SERPINA12: variants seen among roughly 807,000 people sequenced by gnomAD.
The protein encoded by SERPINA12 is serpin family A member 12, also known as serpin A12.
Under a neutral mutation model 25.9 loss-of-function variants are expected in SERPINA12, and 21 were observed. The ratio of observed to expected loss-of-function variants is 0.81; its 90% CI spans 0.58 to 1.17. SERPINA12 has a LOEUF of 1.17. Among genes scored for constraint, SERPINA12 ranks in the 50% most tolerant of loss-of-function variants. The pLI, the probability that SERPINA12 is intolerant of heterozygous loss-of-function variation, is 0.00. For missense variants in SERPINA12, 562 were observed against 508.3 expected (o/e 1.11, Z -1.02); for synonymous variants, 220 against 196.0 (o/e 1.12, Z -1.02).
chr14:94,516,421 C>T (rs1901235423), intron 1 of SERPINA12, among the ~76,000 whole-genome samples: 1 of 152,176 alleles, frequency 6.6e-6, no homozygotes, highest in South Asian at 2.1e-4. Flanking sequence ...GGCCGGTGTT[C>T]CTCACCTGAC....
chr14:94,499,768 A>G (rs1900632852), intron 1 of SERPINA12, among the ~76,000 whole-genome samples: 1 of 152,184 alleles, frequency 6.6e-6, no homozygotes, highest in Admixed American at 6.5e-5. Flanking sequence ...GGAAAAGGGA[A>G]GGAGCCAAGG....
At chr14:94,505,945 C>T (rs1448711026) in intron 1 of SERPINA12, among the ~76,000 whole-genome samples, 1 of 152,166 alleles carries the variant, frequency 6.6e-6, no homozygotes, top group Non-Finnish European at 1.5e-5. Context: ...GGAAAAGAGC[C>T]CCGGAGGAGG....
chr14:94,511,551 T>C (rs1228795443), upstream of SERPINA12: 1 of 985,298 alleles, frequency 1.0e-6, no homozygotes. Context: ...ACTCTAGTAT[T>C]TGTCGGGTTG....
intron 3 of SERPINA12, among the ~76,000 whole-genome samples, chr14:94,492,019 A>G (rs1328667696): frequency 6.6e-6 from 1 of 152,142 alleles, no homozygotes; most frequent in Admixed American, 6.5e-5. Context: ...GACCTGGAGG[A>G]GGAGAGGGGT....
chr14:94,515,977 C>T (rs1901222679), exon 2 of SERPINA12: 1 of 152,358 alleles, frequency 6.6e-6, no homozygotes, highest in Non-Finnish European at 1.5e-5. Context: ...CCGCAGCATC[C>T]AAGGTGGCGC....
At chr14:94,492,273 G>A (rs1204534476) in intron 3 of SERPINA12, among the ~76,000 whole-genome samples, 4 of 152,190 alleles carry the variant, frequency 2.6e-5, no homozygotes, top group Non-Finnish European at 5.9e-5. Context: ...ACTAGGGGCT[G>A]TGAACAGAGG....
chr14:94,491,786 G>A (rs1249559064), intron 3 of SERPINA12, among the ~76,000 whole-genome samples: 1 of 151,252 alleles, frequency 6.6e-6, no homozygotes, highest in Non-Finnish European at 1.5e-5. Flanking sequence ...AGTCATTCTG[G>A]ATGTGTTGAC....
At chr14:94,496,984 T>C (rs1041811548) in intron 2 of SERPINA12, among the ~76,000 whole-genome samples, 4 of 152,232 alleles carry the variant, frequency 2.6e-5, no homozygotes, top group South Asian at 4.1e-4. Flanking sequence ...GAGTCTGATG[T>C]GAGTAGACTC....
At chr14:94,511,175 A>G (rs1433008414), upstream of SERPINA12, among the ~76,000 whole-genome samples, 1 of 152,092 alleles carries the variant, frequency 6.6e-6, no homozygotes, top group Non-Finnish European at 1.5e-5. Flanking sequence ...GTTTTTCTGC[A>G]TTTTCAGGTA....
Position 94,497,850 on chromosome 14 carries a change from T to C in SERPINA12, c.548A>G (p.Gln183Arg). The change falls in exon 2 of 5, where the codon CAA (glutamine) becomes CGA (arginine). Residue 183 changes from glutamine (Q) to arginine (R), a missense_variant. Coordinates refer to ENST00000677451, the MANE Select transcript of SERPINA12 (RefSeq NM_001382267.1). ...GTTGTTAATTTTCCCATGGGTTTTT[T>C]GACTGATAAAGTCATTGATCTGCTT... is the stretch of plus-strand genomic sequence containing the variant. The part of the protein sequence containing the change: ...AQKQINDFIS[Q>R]KTHGKINNLI... The C allele has an allele frequency of 6.2e-7, 1 of 1,614,226 alleles. No individual in the cohort carries two copies. Among genetic ancestry groups the C allele is most frequent in the Non-Finnish European group, 8.5e-7 (1 of 1,180,034 alleles).
intron 3 of SERPINA12, among the ~76,000 whole-genome samples, chr14:94,490,664 T>C (rs7145389): frequency 0.07 from 10,693 of 152,028 alleles, 1,283 homozygotes; most frequent in African/African-American, 0.24. Context: ...TTTCTTTTCT[T>C]CCTTTTATAG....
rs777396527 is a variant in SERPINA12, at chr14:94,487,421, A to T, written c.1127T>A (p.Leu376Gln). Residue 376 changes from leucine to glutamine, a missense_variant, in exon 5 of 5, where the codon CTG becomes CAG. Transcript: ENST00000677451. ...GACGACGAGTGGTGTCTCCATGGGC[A>T]GAGTCTGTGCTCCGGTGCCAGCGGC... ...EGAAGTGAQT[L>Q]PMETPLVVKI... 26 of 1,614,066 alleles carry T rather than the reference A, an allele frequency of 1.6e-5. No individual in the cohort carries two copies. The highest frequency in any genetic ancestry group is 3.3e-4 in the Middle Eastern group (2 of 6,060).
In SERPINA12 at chr14:94,496,507, G is replaced by T; in HGVS notation, c.771C>A (p.Cys257Ter). The change falls in exon 3 of 5, where the codon TGC becomes TGA. Residue 257 changes from cysteine to a stop codon, truncating the protein, a stop_gained. Transcript: ENST00000677451. LOFTEE classifies it high-confidence loss of function. ...TCTGGTAGGGTATTTCCAGGATGGT[G>T]CAAGAGAGCTTATCGTCATAGCCAA... ...YQVGYDDKLS[C>*]TILEIPYQKN... 1 of 1,614,104 alleles carries T rather than the reference G, an allele frequency of 6.2e-7. No homozygotes were observed. The highest frequency in any genetic ancestry group is 2.2e-5 in the East Asian group (1 of 44,882).
At chr14:94,490,171 T>A (rs538597524) in intron 3 of SERPINA12, among the ~76,000 whole-genome samples, 1 of 152,294 alleles carries the variant, frequency 6.6e-6, no homozygotes, top group South Asian at 2.1e-4. Context: ...TAGACAGAAC[T>A]GAGTTCAAAT....
At position 94,494,380 on chromosome 14, in the gene SERPINA12, G is replaced by A. The variant is rs551474627; in HGVS notation, c.905+1993C>T. ...TGAACTGATGTGACTCCTTTCACAC[G>A]GAACATGGCTTGGAGGCATTGCAGA... On this transcript the variant is annotated intron_variant, in intron 3 of 4. Transcript: ENST00000677451. 5.3e-5 allele frequency among the ~76,000 whole-genome samples: 8 copies of A among 152,326 alleles called. No homozygotes were observed. In the East Asian group the frequency reaches 1.4e-3, roughly 26 times the overall value.
chr14:94,491,145 A>G (rs111640679), intron 3 of SERPINA12, among the ~76,000 whole-genome samples: 1 of 152,222 alleles, frequency 6.6e-6, no homozygotes, highest in Middle Eastern at 3.2e-3. Flanking sequence ...AGATGCATCT[A>G]TGAACAGAGC....
At chr14:94,490,605 A>G (rs886710026) in intron 3 of SERPINA12, among the ~76,000 whole-genome samples, 4 of 151,276 alleles carry the variant, frequency 2.6e-5, no homozygotes, top group Non-Finnish European at 5.9e-5. Flanking sequence ...AAAAACTAAC[A>G]CCAAGAGATC....
chr14:94,490,858 C>A lies in SERPINA12; in HGVS notation c.906-1091G>T, dbSNP rs188430027. 1.4e-3 allele frequency among the ~76,000 whole-genome samples: 213 copies of A among 152,296 alleles called. 2 individuals carry two copies. The highest frequency in any genetic ancestry group is 4.9e-3 in the African/African-American group (204 of 41,566). Reference sequence around the variant, plus strand: ...TTCTCCAAGGTGAAGCATTCCAGGTCCACCCCTTGAGGCTTCTCCTCCTTC... The same window carrying A: ...TTCTCCAAGGTGAAGCATTCCAGGTACACCCCTTGAGGCTTCTCCTCCTTC... On this transcript the variant is annotated intron_variant, in intron 3 of 4. Coordinates refer to ENST00000677451, the MANE Select transcript of SERPINA12 (RefSeq NM_001382267.1).
At chr14:94,509,484 C>T (rs1006828123), upstream of SERPINA12, among the ~76,000 whole-genome samples, 27 of 152,066 alleles carry the variant, frequency 1.8e-4, no homozygotes, top group African/African-American at 6.5e-4. Flanking sequence ...GGCTCCCAGC[C>T]CCACAAGCCT....
Sources: gnomAD v4.1 joint callset for allele counts (sites outside exome capture counted in the v4.1 genomes callset) on GRCh38, gnomAD v4.1.1 for gene constraint, MANE v1.5 for transcripts, NCBI Gene and HGNC (gene_info 2026-07-23, HGNC 2026-07-21) for gene names.